The following COL6A2 variants were observed in gnomAD, a reference collection of about 807,000 sequenced individuals.
The protein encoded by COL6A2 is collagen type VI alpha 2 chain, also known as collagen alpha-2(VI) chain.
In COL6A2, 90 loss-of-function variants were observed where a neutral mutation model predicts 124.9. The ratio of observed to expected loss-of-function variants is 0.72; its 90% CI spans 0.61 to 0.86. The LOEUF (loss-of-function observed/expected upper bound fraction) is 0.86, where lower values mean the gene tolerates loss of function less well. COL6A2 is among the 40% of genes least tolerant of loss of function. The pLI is 0.00. For synonymous variants in COL6A2, 793 were observed against 618.2 expected, an observed-to-expected ratio of 1.28 and a Z score of -4.19; for missense variants, 1,607 against 1,502.5, an observed-to-expected ratio of 1.07 and a Z score of -1.15.
rs1029461138 is a variant in COL6A2, at chr21:46,129,883, C to T, written c.2462-2071C>T. On this transcript the variant is annotated intron_variant, in intron 27 of 27. Coordinates refer to ENST00000300527, the MANE Select transcript of COL6A2 (RefSeq NM_001849.4). ...TTGGGTGTGGAAGTCTTTGGAGGCCCTTACTTAGCGGCCCAGCTGGGCTGC... is the reference window on the plus strand; with the variant it reads ...TTGGGTGTGGAAGTCTTTGGAGGCCTTTACTTAGCGGCCCAGCTGGGCTGC... The T allele has an allele frequency of 4.9e-6, 5 of 1,018,930 alleles. No individual in the cohort carries two copies. In the African/African-American group the frequency reaches 5.1e-5, roughly 10 times the overall value. 63.1% of individuals were successfully genotyped at this position (1,018,930 alleles called of 1,614,324 possible).
chr21:46,123,993 G>A (rs1011518008), intron 21 of COL6A2, among the ~76,000 whole-genome samples: 35 of 150,930 alleles, frequency 2.3e-4, no homozygotes, highest in Non-Finnish European at 3.1e-4. Context: ...GGATGGGTAG[G>A]TGGGTGGATG....
At chr21:46,120,087 A>ACCCCCGGCCCACTGAGGCACCACTCACAC (rs1555874029) in intron 15 of COL6A2, among the ~76,000 whole-genome samples, 2 of 78,008 alleles carry the variant, frequency 2.6e-5, no homozygotes, top group East Asian at 5.5e-4. Flanking sequence ...GGCACCATTC[A>ACCCCCGGCCCACTGAGGCACCACTCACAC]CCCCCGGCCC....
chr21:46,122,120 A>C lies in COL6A2; in HGVS notation c.1534A>C (p.Arg512=), dbSNP rs1430254492. The part of the protein sequence containing the change: ...GQPGPKGDPG[R]PGFSYPGPRG... ...CGTCCTCCTCCAGGGAGACCCCGGC[A>C]GGCCTGGATTCAGCTACCCAGGACC... The change falls in exon 19 of 28, where the codon AGG becomes CGG. Residue 512 remains arginine (R), a synonymous_variant. Transcript: ENST00000300527. 2 of 1,612,580 alleles carry C rather than the reference A, an allele frequency of 1.2e-6. No homozygotes were observed. The highest frequency in any genetic ancestry group is 2.7e-5 in the African/African-American group (2 of 74,894).
At chr21:46,123,079 G>A (rs2123651484) in intron 21 of COL6A2, 142 bp downstream of exon 21, 1 of 839,478 alleles carries the variant, frequency 1.2e-6, no homozygotes, top group South Asian at 1.4e-5. Flanking sequence ...CTTCCTAAAG[G>A]GAACGGCTGG....
rs759064746 is a variant in COL6A2, at chr21:46,124,854, C to T, written c.1735-31C>T. 2.5e-5 allele frequency: 41 copies of T among 1,612,676 alleles called. 1 individual carries two copies. In the South Asian group the frequency reaches 3.5e-4, roughly 14 times the overall value. On this transcript the variant is annotated intron_variant, in intron 22 of 27. Coordinates refer to ENST00000300527, the MANE Select transcript of COL6A2 (RefSeq NM_001849.4). ...AGACTCAGCCACCCAGCCTTGGCCCCAGAGTCTCAGCCTCATCCTTCCTTC... is the reference window on the plus strand; with the variant it reads ...AGACTCAGCCACCCAGCCTTGGCCCTAGAGTCTCAGCCTCATCCTTCCTTC...
intron 19 of COL6A2, 67 bp downstream of exon 19, chr21:46,122,225 T>A (rs1220743629): frequency 6.5e-7 from 1 of 1,547,528 alleles, no homozygotes; most frequent in Non-Finnish European, 8.9e-7. Flanking sequence ...CCCTGAAGAT[T>A]CCTAGTAGTT....
intron 27 of COL6A2, 127 bp downstream of exon 27, chr21:46,126,668 G>A (rs1392821576): frequency 1.9e-5 from 22 of 1,161,196 alleles, no homozygotes; most frequent in Non-Finnish European, 2.6e-5. Context: ...CACTGCGGAG[G>A]CTGCTCCTTA....
chr21:46,130,691 CTG>C (rs1325156932), intron 27 of COL6A2, among the ~76,000 whole-genome samples: 1 of 152,222 alleles, frequency 6.6e-6, no homozygotes, highest in East Asian at 1.9e-4. Context: ...CCTTGCATGT[CTG>C]TCTCCATATG....
intron 4 of COL6A2, among the ~76,000 whole-genome samples, chr21:46,113,459 C>G (rs563995714): frequency 3.6e-4 from 55 of 151,860 alleles, no homozygotes; most frequent in Non-Finnish European, 5.9e-4. Context: ...TCACTGCAGC[C>G]TTGAACTCTG....
In COL6A2 at chr21:46,121,493, G is replaced by A. The variant is rs914794771; in HGVS notation, c.1459-63G>A. 6.5e-7 allele frequency: 1 copy of A among 1,527,156 alleles called. No homozygotes were observed. Among genetic ancestry groups the A allele is most frequent in the South Asian group, 1.1e-5 (1 of 88,758 alleles). 94.6% of individuals were successfully genotyped at this position (1,527,156 alleles called of 1,614,324 possible). ...GTCAGGGCTGGACGGGGCATGTCAG[G>A]TGACCCCTGGGCATGGCCAGTCCCT... On this transcript the variant is annotated intron_variant, in intron 17 of 27. Coordinates refer to ENST00000300527, the MANE Select transcript of COL6A2 (RefSeq NM_001849.4).
intron 25 of COL6A2, 73 bp downstream of exon 25, chr21:46,125,690 G>A: frequency 6.3e-7 from 1 of 1,589,060 alleles, no homozygotes; most frequent in African/African-American, 1.3e-5. Context: ...GATGGGAGAA[G>A]TCCAGACGCG....
At chr21:46,118,910 G>A (rs1206636219) in intron 13 of COL6A2, 120 bp from the exon 14 acceptor site, 3 of 983,786 alleles carry the variant, frequency 3.0e-6, no homozygotes, top group South Asian at 1.4e-5. Context: ...GGGCCCCCAT[G>A]TGCCTGGCAA....
chr21:46,128,171 C>T (rs950429122), intron 27 of COL6A2, among the ~76,000 whole-genome samples: 1 of 152,194 alleles, frequency 6.6e-6, no homozygotes, highest in Non-Finnish European at 1.5e-5. Flanking sequence ...CTCAGGCCAC[C>T]AGAGCACCAC....
chr21:46,112,418 C>T lies in COL6A2; in HGVS notation c.555C>T (p.Ile185=). The T allele has an allele frequency of 1.2e-6, 2 of 1,609,162 alleles. No individual in the cohort carries two copies. Among genetic ancestry groups the T allele is most frequent in the Non-Finnish European group, 1.7e-6 (2 of 1,179,460 alleles). ...LQAERAREEG[I]RLFAVAPNQN... is the part of the protein sequence containing the mutation. ...CCGAGCGGGCCCGCGAGGAGGGCATCCGGCTCTTCGCCGTGGCCCCCAACC... is the reference window on the plus strand; with the variant it reads ...CCGAGCGGGCCCGCGAGGAGGGCATTCGGCTCTTCGCCGTGGCCCCCAACC... The change falls in exon 3 of 28, where the codon ATC becomes ATT. Residue 185 remains isoleucine, a synonymous_variant. Transcript: ENST00000300527.
At chr21:46,114,864 T>C (rs2078450215) in intron 5 of COL6A2, among the ~76,000 whole-genome samples, 1 of 152,204 alleles carries the variant, frequency 6.6e-6, no homozygotes, top group Non-Finnish European at 1.5e-5. Flanking sequence ...AAGAAAAGCA[T>C]AGGAGGAGAA....
chr21:46,120,403 G>A (rs1195875497), intron 15 of COL6A2, 112 bp from the exon 16 acceptor site: 4 of 807,508 alleles, frequency 5.0e-6, no homozygotes, highest in Non-Finnish European at 6.0e-6. Flanking sequence ...GACAGACGGG[G>A]TTCTTCCTCC....
intron 25 of COL6A2, 43 bp downstream of exon 25, chr21:46,125,660 C>T (rs745313620): frequency 6.7e-5 from 100 of 1,495,076 alleles, no homozygotes; most frequent in Non-Finnish European, 8.1e-5. Flanking sequence ...GGGGGCCGGG[C>T]GGGGCGTGGG....
chr21:46,131,890 G>A (rs1468905236), intron 27 of COL6A2, 64 bp from the exon 28 acceptor site: 3 of 1,444,974 alleles, frequency 2.1e-6, no homozygotes, highest in East Asian at 2.5e-5. Flanking sequence ...CAGGTGCGGG[G>A]CTGGCACCTG....
chr21:46,131,887 G>A (rs556530194), intron 27 of COL6A2, 67 bp from the exon 28 acceptor site: 626 of 1,423,196 alleles, frequency 4.4e-4, no homozygotes, highest in Middle Eastern at 9.0e-4. Context: ...GCACAGGTGC[G>A]GGGCTGGCAC....
Sources: gnomAD v4.1 joint callset for allele counts (sites outside exome capture counted in the v4.1 genomes callset) on GRCh38, gnomAD v4.1.1 for gene constraint, MANE v1.5 for transcripts, NCBI Gene and HGNC (gene_info 2026-07-23, HGNC 2026-07-21) for gene names.